The following RBFOX1 variants were observed in gnomAD, a reference collection of about 807,000 sequenced individuals.
The protein encoded by RBFOX1 is RNA binding protein fox-1 homolog 1.
RBFOX1 carries 8 observed loss-of-function variants against 57.7 expected under a neutral mutation model. That is an observed-to-expected ratio of 0.14 (90% CI 0.08 to 0.25). The LOEUF (loss-of-function observed/expected upper bound fraction) is 0.25. Among genes scored for constraint, RBFOX1 ranks in the 10% least tolerant of loss-of-function variants. The probability of loss-of-function intolerance (pLI) is 1.00; values close to 1 mark genes in which losing one functional copy is unlikely to be tolerated. For missense variants in RBFOX1, 611 were observed against 548.5 expected (o/e 1.11, Z -1.14); for synonymous variants, 326 against 222.4 (o/e 1.47, Z -4.15).
At chr16:6,010,141 C>T (rs1271574478) in intron 4 of RBFOX1, among the ~76,000 whole-genome samples, 2 of 152,112 alleles carry the variant, frequency 1.3e-5, no homozygotes, top group African/African-American at 4.8e-5. Flanking sequence ...CCTCGTATCC[C>T]CAGGTGTTTT....
At chr16:6,820,342 C>A (rs1015782931) in intron 3 of RBFOX1, among the ~76,000 whole-genome samples, 1 of 152,102 alleles carries the variant, frequency 6.6e-6, no homozygotes, top group African/African-American at 2.4e-5. Context: ...TTTTGATTCC[C>A]TAATGGATAG....
intron 1 of RBFOX1, among the ~76,000 whole-genome samples, chr16:5,258,692 C>A (rs1470168682): frequency 6.6e-6 from 1 of 152,064 alleles, no homozygotes; most frequent in South Asian, 2.1e-4. Context: ...CCAAGGTAGG[C>A]GGATCACGAG....
intron 4 of RBFOX1, among the ~76,000 whole-genome samples, chr16:7,223,011 C>G (rs1042761677): frequency 2.0e-5 from 3 of 152,180 alleles, no homozygotes; most frequent in Admixed American, 6.5e-5. Flanking sequence ...CATGAGGCTT[C>G]TCTTCCATCT....
chr16:5,901,105 C>T lies in RBFOX1; in HGVS notation c.351+33770C>T, dbSNP rs376117450. On this transcript the variant is annotated intron_variant, in intron 4 of 19. Transcript: ENST00000641259. ...GTGCTGTGACTAGTGTCAGGAGAAA[C>T]GGAGACGCGTGTTGATTAAGTCTGG... Among the ~76,000 whole-genome samples the T allele has an allele frequency of 1.9e-4, 29 of 152,290 alleles. No individual in the cohort carries two copies. In the East Asian group the frequency reaches 3.9e-3, roughly 20 times the overall value.
intron 2 of RBFOX1, among the ~76,000 whole-genome samples, chr16:6,646,400 A>G (rs546672864): frequency 6.6e-6 from 1 of 152,180 alleles, no homozygotes; most frequent in Non-Finnish European, 1.5e-5. Flanking sequence ...TAATCCTGAC[A>G]AGAATAAATT....
chr16:5,288,770 T>C (rs770455684), intron 1 of RBFOX1, among the ~76,000 whole-genome samples: 1 of 152,112 alleles, frequency 6.6e-6, no homozygotes, highest in Non-Finnish European at 1.5e-5. Context: ...GTCTTCCTTA[T>C]GCTGTTAAGA....
chr16:7,264,171 C>A (rs141365433), intron 4 of RBFOX1, among the ~76,000 whole-genome samples: 4 of 152,118 alleles, frequency 2.6e-5, no homozygotes, highest in Non-Finnish European at 5.9e-5. Flanking sequence ...GGCTCCTGGA[C>A]TCCAGACCTC....
chr16:7,693,455 G>C (rs1168110106), intron 14 of RBFOX1: 6 of 980,442 alleles, frequency 6.1e-6, no homozygotes, highest in Non-Finnish European at 9.0e-6. Flanking sequence ...TGCTGCAGTT[G>C]GTCACTCTAG....
chr16:5,978,178 G>C (rs116752025), intron 4 of RBFOX1, among the ~76,000 whole-genome samples: 10,340 of 139,128 alleles, frequency 0.074, 548 homozygotes, highest in East Asian at 0.2. Context: ...GCCAGGTGTG[G>C]TAGTGCATTC....
At chr16:7,534,745 C>T (rs1440066538) in intron 5 of RBFOX1, among the ~76,000 whole-genome samples, 3 of 151,080 alleles carry the variant, frequency 2.0e-5, no homozygotes, top group East Asian at 1.9e-4. Context: ...ACTATCCACT[C>T]GTAGCAGAAG....
chr16:7,299,446 G>T (rs1351228841), intron 4 of RBFOX1, among the ~76,000 whole-genome samples: 2 of 152,138 alleles, frequency 1.3e-5, no homozygotes, highest in Non-Finnish European at 2.9e-5. Context: ...AAAGCTAGAG[G>T]AGTTTGAGGG....
chr16:7,163,532 A>G (rs1463993410), intron 4 of RBFOX1, among the ~76,000 whole-genome samples: 1 of 151,854 alleles, frequency 6.6e-6, no homozygotes, highest in Non-Finnish European at 1.5e-5. Flanking sequence ...CTTTAACATC[A>G]GTCTCTCTCC....
In RBFOX1 at chr16:7,282,824, A is replaced by G. The variant is rs553596718; in HGVS notation, c.27+230726A>G. Among the ~76,000 whole-genome samples the G allele has an allele frequency of 1.7e-3, 254 of 152,328 alleles. 3 individuals carry two copies. The highest frequency in any genetic ancestry group is 6.0e-3 in the African/African-American group (248 of 41,582). On this transcript the variant is annotated intron_variant, in intron 4 of 15. Transcript: ENST00000550418. ...TTAGCTCCCACTTATGAGTGAGAACATATGATGTTTGGTTTTCCATTCCTG... is the reference window on the plus strand; with the variant it reads ...TTAGCTCCCACTTATGAGTGAGAACGTATGATGTTTGGTTTTCCATTCCTG...
At chr16:7,233,589 A>G (rs1011548181) in intron 4 of RBFOX1, among the ~76,000 whole-genome samples, 3 of 152,190 alleles carry the variant, frequency 2.0e-5, no homozygotes, top group Admixed American at 1.3e-4. Flanking sequence ...CATTGGTGGT[A>G]TAGTCTGGGG....
At chr16:6,619,790 G>C (rs920944820) in intron 2 of RBFOX1, among the ~76,000 whole-genome samples, 1 of 148,352 alleles carries the variant, frequency 6.7e-6, no homozygotes, top group African/African-American at 2.5e-5. Context: ...TTGTTGTACA[G>C]ATGATTTCAT....
intron 1 of RBFOX1, among the ~76,000 whole-genome samples, chr16:6,150,068 C>T (rs1333888739): frequency 6.6e-6 from 1 of 152,102 alleles, no homozygotes. Flanking sequence ...CACTGTGGGG[C>T]AAGGTGTTGG....
Position 5,240,827 on chromosome 16 carries a change from G to C in RBFOX1, c.219+722G>C, listed in dbSNP as rs1284991746. Among the ~76,000 whole-genome samples the C allele has an allele frequency of 4.6e-5, 7 of 152,092 alleles. No homozygotes were observed. The East Asian group carries it at 1.4e-3, about 29-fold the overall frequency. On this transcript the variant is annotated intron_variant, in intron 1 of 2. Coordinates refer to the RBFOX1 transcript ENST00000585867. ...GCTCCGTGGCCAGCCTGGCCTCCTGGGGTTCACTTTCTGCTTTCCTACCCC... is the reference window on the plus strand; with the variant it reads ...GCTCCGTGGCCAGCCTGGCCTCCTGCGGTTCACTTTCTGCTTTCCTACCCC...
At chr16:7,487,611 A>G (rs541004554) in intron 4 of RBFOX1, among the ~76,000 whole-genome samples, 1 of 152,170 alleles carries the variant, frequency 6.6e-6, no homozygotes, top group Non-Finnish European at 1.5e-5. Flanking sequence ...GCAGTAGACT[A>G]TCCACTCCTG....
At chr16:5,931,928 C>G (rs2059067694) in intron 4 of RBFOX1, among the ~76,000 whole-genome samples, 1 of 152,188 alleles carries the variant, frequency 6.6e-6, no homozygotes, top group Admixed American at 6.5e-5. Context: ...CCACTTCAGC[C>G]TCCCAAGTAG....
Sources: allele counts gnomAD v4.1 joint callset (sites outside exome capture counted in the v4.1 genomes callset), GRCh38; gene constraint gnomAD v4.1.1; transcripts MANE v1.5; gene names NCBI Gene and HGNC (gene_info 2026-07-23, HGNC 2026-07-21).